Variants in ITCH observed in about 807,000 individuals in gnomAD.
ITCH encodes the protein E3 ubiquitin-protein ligase Itchy homolog.
A neutral mutation model predicts 126.8 loss-of-function variants in ITCH; 28 were observed. The ratio of observed to expected loss-of-function variants is 0.22; its 90% CI spans 0.16 to 0.30. The LOEUF (loss-of-function observed/expected upper bound fraction) is 0.30. Ranked by LOEUF, ITCH falls within the 10% of genes least tolerant of loss-of-function variation. The pLI is 1.00. For missense variants in ITCH, 631 were observed against 1,032.4 expected (o/e 0.61, Z 5.33); for synonymous variants, 342 against 340.0 (o/e 1.01, Z -0.06).
chr20:34,510,506 T>C lies in ITCH; in HGVS notation c.*2712T>C. 8.0e-6 allele frequency: 1 copy of C among 124,704 alleles called. No homozygotes were observed. The highest frequency in any genetic ancestry group is 2.4e-4 in the East Asian group (1 of 4,162). 7.7% of individuals were successfully genotyped at this position (124,704 alleles called of 1,614,324 possible). On this transcript the variant is annotated 3_prime_UTR_variant, in exon 25 of 25. Coordinates refer to ENST00000374864, the MANE Select transcript of ITCH (RefSeq NM_031483.7). The stretch of plus-strand genomic sequence containing the variant: ...ACATTGAAATAAAAACAAAGTAAAA[T>C]GAGCAATTGCCTTATTGTTCTGCTC...
At chr20:34,503,218 G>T (rs939776796) in intron 23 of ITCH, among the ~76,000 whole-genome samples, 14 of 152,102 alleles carry the variant, frequency 9.2e-5, no homozygotes, top group African/African-American at 3.1e-4. Context: ...AGTATACAGG[G>T]TTTAGTCAGG....
At chr20:34,449,605 T>C in intron 12 of ITCH, 125 bp downstream of exon 12, 3 of 667,586 alleles carry the variant, frequency 4.5e-6, no homozygotes, top group Non-Finnish European at 7.9e-6. Flanking sequence ...GTCTGGGAAG[T>C]TTTTTTTTAA....
intron 2 of ITCH, among the ~76,000 whole-genome samples, chr20:34,387,930 C>T (rs2038347736): frequency 6.6e-6 from 1 of 152,110 alleles, no homozygotes; most frequent in African/African-American, 2.4e-5. Context: ...GTCTTAATCT[C>T]TTGACCTTGT....
At chr20:34,438,066 GAATT>G (rs1371130877) in intron 7 of ITCH, among the ~76,000 whole-genome samples, 1 of 152,178 alleles carries the variant, frequency 6.6e-6, no homozygotes, top group African/African-American at 2.4e-5. Context: ...CCTCAAACTT[GAATT>G]AATAGCCAGT....
intron 13 of ITCH, among the ~76,000 whole-genome samples, chr20:34,460,618 A>G (rs552037923): frequency 8.5e-5 from 13 of 152,128 alleles, no homozygotes; most frequent in African/African-American, 3.1e-4. Flanking sequence ...TCTCTGTTTT[A>G]TGGACAAAGA....
Position 34,461,023 on chromosome 20 carries a change from A to G in ITCH, c.1296-1070A>G, listed in dbSNP as rs544543613. On this transcript the variant is annotated intron_variant, in intron 13 of 24. Transcript: ENST00000374864. ...GCAGCAGAGTGAGATTCTTTCTCTTAAAAGAATCTTTTTTTGAGTTGCCTT... is the reference window on the plus strand; with the variant it reads ...GCAGCAGAGTGAGATTCTTTCTCTTGAAAGAATCTTTTTTTGAGTTGCCTT... Among the ~76,000 whole-genome samples the G allele has an allele frequency of 8.5e-5, 13 of 152,284 alleles. No homozygotes were observed. The South Asian group carries it at 2.7e-3, about 32-fold the overall frequency.
At chr20:34,437,683 G>T (rs1340806983) in intron 7 of ITCH, among the ~76,000 whole-genome samples, 1 of 152,168 alleles carries the variant, frequency 6.6e-6, no homozygotes, top group Non-Finnish European at 1.5e-5. Context: ...TTAGTACTGT[G>T]TAGTGGTTTG....
chr20:34,375,135 G>A (rs975217008), intron 2 of ITCH, among the ~76,000 whole-genome samples: 9 of 149,986 alleles, frequency 6.0e-5, no homozygotes, highest in Non-Finnish European at 8.9e-5. Context: ...TCCGCTTTCC[G>A]GGTTCAAGCA....
In ITCH at chr20:34,406,602, G is replaced by A. The variant is rs187373097; in HGVS notation, c.71-2049G>A. Among the ~76,000 whole-genome samples, 11 of 148,804 alleles carry A rather than the reference G, an allele frequency of 7.4e-5. 1 individual carries two copies. In the East Asian group the frequency reaches 2.0e-3, roughly 27 times the overall value. On this transcript the variant is annotated intron_variant, in intron 3 of 24. Coordinates refer to ENST00000374864, the MANE Select transcript of ITCH (RefSeq NM_031483.7). ...CAGGCTGGAGTGCAGTGGCGCAATCGCGGCTCACTGCAATCTCCGCCTCCC... is the reference window on the plus strand; with the variant it reads ...CAGGCTGGAGTGCAGTGGCGCAATCACGGCTCACTGCAATCTCCGCCTCCC...
chr20:34,374,828 C>T (rs190056101), intron 2 of ITCH, among the ~76,000 whole-genome samples: 19 of 151,894 alleles, frequency 1.3e-4, no homozygotes, highest in African/African-American at 3.9e-4. Context: ...CAACCTCTGC[C>T]TCCCGGGTTC....
At chr20:34,442,599 C>T (rs1006562145) in intron 10 of ITCH, among the ~76,000 whole-genome samples, 1 of 152,058 alleles carries the variant, frequency 6.6e-6, no homozygotes, top group Non-Finnish European at 1.5e-5. Flanking sequence ...GCCATCCTCC[C>T]GCGTTGGCCT....
chr20:34,445,161 A>G (rs1367345445), intron 10 of ITCH, 126 bp from the exon 11 acceptor site: 4 of 1,065,478 alleles, frequency 3.8e-6, no homozygotes, highest in Non-Finnish European at 5.4e-6. Context: ...GTTCACTTAC[A>G]AACTATTTAA....
At chr20:34,391,111 G>A (rs1454140434) in intron 2 of ITCH, among the ~76,000 whole-genome samples, 1 of 152,116 alleles carries the variant, frequency 6.6e-6, no homozygotes, top group East Asian at 1.9e-4. Flanking sequence ...AGAATCTGGC[G>A]CTCAGGGGAG....
chr20:34,438,058 T>C (rs1244793314), intron 7 of ITCH, among the ~76,000 whole-genome samples: 4 of 152,210 alleles, frequency 2.6e-5, no homozygotes, highest in African/African-American at 9.6e-5. Context: ...CAGACCTGCC[T>C]CAAACTTGAA....
At chr20:34,426,426 A>G (rs1198231780) in intron 7 of ITCH, among the ~76,000 whole-genome samples, 1 of 151,560 alleles carries the variant, frequency 6.6e-6, no homozygotes, top group East Asian at 1.9e-4. Context: ...TTTGTCATCT[A>G]TGGGTTGTTT....
chr20:34,401,602 C>T lies in ITCH; in HGVS notation c.71-7049C>T. The T allele has an allele frequency of 7.2e-6, 7 of 974,464 alleles. No homozygotes were observed. In the South Asian group the frequency reaches 2.8e-4, roughly 40 times the overall value. The allele number at this position is 974,464 out of a possible 1,614,324, so 60.4% of individuals were successfully genotyped here. ...TATTAAATGAGGCATTTACTATACT[C>T]CTTCCTAAAAGCCCCAGATGGGGAA... is the stretch of plus-strand genomic sequence containing the variant. On this transcript the variant is annotated intron_variant, in intron 3 of 24. Transcript: ENST00000374864.
chr20:34,392,662 G>A (rs2038527816), intron 2 of ITCH, among the ~76,000 whole-genome samples: 1 of 152,164 alleles, frequency 6.6e-6, no homozygotes, highest in Admixed American at 6.5e-5. Context: ...ATAGTGCCTG[G>A]CAAACAGTAA....
intron 3 of ITCH, chr20:34,402,430 C>T (rs2038919110): frequency 2.6e-6 from 2 of 771,758 alleles, no homozygotes; most frequent in Admixed American, 3.4e-5. Context: ...ACTTTTCTTT[C>T]ACATTTTCAA....
At chr20:34,445,174 A>G in intron 10 of ITCH, 113 bp from the exon 11 acceptor site, 1 of 1,163,658 alleles carries the variant, frequency 8.6e-7, no homozygotes, top group Non-Finnish European at 1.2e-6. Context: ...CTATTTAAAA[A>G]TACATAAAAG....
Sources: gnomAD v4.1 joint callset for allele counts (sites outside exome capture counted in the v4.1 genomes callset) on GRCh38, gnomAD v4.1.1 for gene constraint, MANE v1.5 for transcripts, NCBI Gene and HGNC (gene_info 2026-07-23, HGNC 2026-07-21) for gene names.